The following PDS5B variants were observed in gnomAD, a reference collection of about 807,000 sequenced individuals.
The protein encoded by PDS5B is PDS5 cohesin associated factor B, also known as sister chromatid cohesion protein PDS5 homolog B.
PDS5B carries 51 observed loss-of-function variants against 184.1 expected under a neutral mutation model. That is an observed-to-expected ratio of 0.28 (90% CI 0.22 to 0.35). The LOEUF is 0.35. Ranked by LOEUF, PDS5B falls within the 10% of genes least tolerant of loss-of-function variation. The pLI, the probability that PDS5B is intolerant of heterozygous loss-of-function variation, is 1.00. For missense variants in PDS5B, 1,180 were observed against 1,723.3 expected, an observed-to-expected ratio of 0.68 and a Z score of 5.58; for synonymous variants, 566 against 569.2, an observed-to-expected ratio of 0.99 and a Z score of 0.08.
chr13:32,752,818 G>A (rs1954033388), intron 24 of PDS5B, among the ~76,000 whole-genome samples: 2 of 152,144 alleles, frequency 1.3e-5, no homozygotes, highest in African/African-American at 4.8e-5. Flanking sequence ...CTTACCTTCA[G>A]AGTTGTGCTT....
chr13:32,593,193 TA>T (rs2057802998), intron 1 of PDS5B, among the ~76,000 whole-genome samples: 1 of 152,184 alleles, frequency 6.6e-6, no homozygotes, highest in Non-Finnish European at 1.5e-5. Context: ...CTACAAAATT[TA>T]GCTAGATAGG....
chr13:32,749,373 G>A (rs763683820), intron 24 of PDS5B, among the ~76,000 whole-genome samples: 2 of 152,152 alleles, frequency 1.3e-5, no homozygotes, highest in Non-Finnish European at 2.9e-5. Context: ...TTGCGCTTTA[G>A]TACATGTACT....
chr13:32,765,202 G>A (rs555081235), intron 31 of PDS5B, among the ~76,000 whole-genome samples: 2 of 152,156 alleles, frequency 1.3e-5, no homozygotes, highest in South Asian at 4.1e-4. Context: ...GACTTAACTG[G>A]GTTTGTTTTG....
intron 1 of PDS5B, among the ~76,000 whole-genome samples, chr13:32,640,371 T>C (rs1364695843): frequency 6.6e-6 from 1 of 152,194 alleles, no homozygotes; most frequent in Non-Finnish European, 1.5e-5. Flanking sequence ...CTCAGCCTCC[T>C]GAGTAGTTGA....
intron 25 of PDS5B, among the ~76,000 whole-genome samples, chr13:32,754,953 C>T (rs1954122085): frequency 6.6e-6 from 1 of 152,052 alleles, no homozygotes; most frequent in Admixed American, 6.6e-5. Flanking sequence ...AGTAAACAGT[C>T]AATAAATATT....
intron 17 of PDS5B, among the ~76,000 whole-genome samples, chr13:32,703,106 G>A (rs1951909127): frequency 6.6e-6 from 1 of 152,072 alleles, no homozygotes; most frequent in South Asian, 2.1e-4. Flanking sequence ...TTTTGAAGGA[G>A]GTGAGAGAGG....
chr13:32,649,680 T>A lies in PDS5B; in HGVS notation c.108+800T>A, dbSNP rs1950320570. 9 of 152,274 alleles carry A rather than the reference T, an allele frequency of 5.9e-5. No homozygotes were observed. The South Asian group carries it at 1.9e-3, about 32-fold the overall frequency. 9.4% of individuals were successfully genotyped at this position (152,274 alleles called of 1,614,324 possible). A position where few individuals can be genotyped will look rare whatever the true frequency, so the allele number is the denominator to read the frequency against. On this transcript the variant is annotated intron_variant, in intron 2 of 34. Coordinates refer to ENST00000315596, the MANE Select transcript of PDS5B (RefSeq NM_015032.4). ...CTTTATTGCTACATGGTGTATAGAA[T>A]TTTTATAAAGAGAAAAAGATGCTAA... is the stretch of plus-strand genomic sequence containing the variant.
At chr13:32,696,404 A>G (rs1205436338) in intron 14 of PDS5B, among the ~76,000 whole-genome samples, 1 of 152,090 alleles carries the variant, frequency 6.6e-6, no homozygotes, top group Non-Finnish European at 1.5e-5. Flanking sequence ...TGCAACCCGT[A>G]ACTAACACTC....
chr13:32,765,220 A>C (rs1280931958), intron 31 of PDS5B, among the ~76,000 whole-genome samples: 2 of 152,246 alleles, frequency 1.3e-5, no homozygotes, highest in African/African-American at 4.8e-5. Flanking sequence ...TTGACTTTAC[A>C]GTTCAGCTTC....
intron 15 of PDS5B, among the ~76,000 whole-genome samples, chr13:32,699,024 G>C (rs571847033): frequency 6.6e-6 from 1 of 152,140 alleles, no homozygotes; most frequent in South Asian, 2.1e-4. Context: ...AAGTGCCAAA[G>C]TTCCATTTTA....
Position 32,616,176 on chromosome 13 carries a change from C to T in PDS5B, c.-20+29583C>T, listed in dbSNP as rs866699056. On this transcript the variant is annotated intron_variant, in intron 1 of 34. Coordinates refer to ENST00000315596, the MANE Select transcript of PDS5B (RefSeq NM_015032.4). ...TCAAGCGATTCTCCTGCCCCAGCCTCCCTAGTAGCTGGGATTACAGGCACC... is the reference window on the plus strand; with the variant it reads ...TCAAGCGATTCTCCTGCCCCAGCCTTCCTAGTAGCTGGGATTACAGGCACC... 2.0e-5 allele frequency among the ~76,000 whole-genome samples: 3 copies of T among 152,104 alleles called. 1 individual carries two copies. The South Asian group carries it at 6.2e-4, about 32-fold the overall frequency.
chr13:32,677,485 C>G (rs1187620338), intron 9 of PDS5B, among the ~76,000 whole-genome samples: 1 of 151,856 alleles, frequency 6.6e-6, no homozygotes, highest in Non-Finnish European at 1.5e-5. Context: ...ATAATACCAA[C>G]TTTAAGGAGT....
chr13:32,626,630 G>A (rs915048141), intron 1 of PDS5B, among the ~76,000 whole-genome samples: 1 of 149,654 alleles, frequency 6.7e-6, no homozygotes, highest in Non-Finnish European at 1.5e-5. Flanking sequence ...TATTTTCTTT[G>A]CCTTGTCTGC....
At chr13:32,678,443 CT>C (rs1333519517) in intron 9 of PDS5B, among the ~76,000 whole-genome samples, 1 of 152,126 alleles carries the variant, frequency 6.6e-6, no homozygotes, top group African/African-American at 2.4e-5. Flanking sequence ...AAAGGGAATA[CT>C]TTAGGGAAAG....
At chr13:32,673,036 A>T (rs1340649326) in intron 7 of PDS5B, among the ~76,000 whole-genome samples, 180 bp from the exon 8 acceptor site, 1 of 152,206 alleles carries the variant, frequency 6.6e-6, no homozygotes, top group Non-Finnish European at 1.5e-5. Flanking sequence ...TACAAGATGG[A>T]TTCCATGTTT....
chr13:32,754,808 G>T (rs1191009637), intron 25 of PDS5B, among the ~76,000 whole-genome samples: 1 of 152,108 alleles, frequency 6.6e-6, no homozygotes, highest in African/African-American at 2.4e-5. Context: ...TGCTCAGTAT[G>T]TGTTAGCCAT....
At chr13:32,627,037 C>G (rs2058381003) in intron 1 of PDS5B, among the ~76,000 whole-genome samples, 1 of 152,072 alleles carries the variant, frequency 6.6e-6, no homozygotes, top group South Asian at 2.1e-4. Context: ...ATCAGCTGTC[C>G]CAAAACCTAG....
At chr13:32,701,115 T>C in intron 16 of PDS5B, 1 of 433,938 alleles carries the variant, frequency 2.3e-6, no homozygotes, top group South Asian at 2.9e-5. Context: ...TATTGACTAG[T>C]CTACCTTTTC....
At chr13:32,717,825 A>G (rs1487528434) in intron 19 of PDS5B, among the ~76,000 whole-genome samples, 1 of 151,910 alleles carries the variant, frequency 6.6e-6, no homozygotes, top group Non-Finnish European at 1.5e-5. Flanking sequence ...GAGTATAGAA[A>G]AGAAAGCACT....
Sources: allele counts gnomAD v4.1 joint callset (sites outside exome capture counted in the v4.1 genomes callset), GRCh38; gene constraint gnomAD v4.1.1; transcripts MANE v1.5; gene names NCBI Gene and HGNC (gene_info 2026-07-23, HGNC 2026-07-21).